Variants in TOX4 observed in about 807,000 individuals in gnomAD.
The protein encoded by TOX4 is TOX high mobility group box family member 4.
Under a neutral mutation model 61.0 loss-of-function variants are expected in TOX4, and 12 were observed. The ratio of observed to expected loss-of-function variants is 0.20; its 90% CI spans 0.13 to 0.32. The LOEUF (loss-of-function observed/expected upper bound fraction) is 0.32, where lower values mean the gene tolerates loss of function less well. TOX4 is among the 10% of genes least tolerant of loss of function. The probability of loss-of-function intolerance (pLI) is 1.00; values close to 1 mark genes in which losing one functional copy is unlikely to be tolerated. For missense variants in TOX4, 499 were observed against 753.3 expected (o/e 0.66, Z 3.95); for synonymous variants, 268 against 274.8 (o/e 0.98, Z 0.24).
chr14:21,488,953 C>G (rs1891238871), intron 4 of TOX4, 103 bp downstream of exon 4: 2 of 1,499,842 alleles, frequency 1.3e-6, no homozygotes, highest in East Asian at 4.6e-5. Context: ...CGTGCCATCT[C>G]CTCTGCTGTT....
At chr14:21,489,512 T>C in intron 5 of TOX4, 109 bp downstream of exon 5, 2 of 899,670 alleles carry the variant, frequency 2.2e-6, no homozygotes, top group Non-Finnish European at 3.4e-6. Flanking sequence ...CAGCTGTTTG[T>C]TAATGACACT....
At chr14:21,488,342 T>C in intron 3 of TOX4, 2 of 458,498 alleles carry the variant, frequency 4.4e-6, no homozygotes, top group Non-Finnish European at 3.9e-6. Context: ...CTCTTTGACT[T>C]GTCCAACAGT....
chr14:21,478,565 G>A (rs1318153825), intron 2 of TOX4, among the ~76,000 whole-genome samples: 1 of 152,200 alleles, frequency 6.6e-6, no homozygotes, highest in Non-Finnish European at 1.5e-5. Context: ...CACTTGTTTG[G>A]GAGAGGCAAA....
At chr14:21,479,489 A>G (rs551488526) in intron 2 of TOX4, among the ~76,000 whole-genome samples, 2 of 152,012 alleles carry the variant, frequency 1.3e-5, no homozygotes, top group South Asian at 4.2e-4. Flanking sequence ...CTCTACTAAA[A>G]ATACAAAAAT....
At position 21,480,381 on chromosome 14, in the gene TOX4, A is replaced by C. The variant is rs941728148; in HGVS notation, c.75+2817A>C. Among the ~76,000 whole-genome samples, 28 of 152,126 alleles carry C rather than the reference A, an allele frequency of 1.8e-4. 1 individual carries two copies. Among genetic ancestry groups the C allele is most frequent in the Admixed American group, 1.6e-3 (24 of 15,282 alleles). On this transcript the variant is annotated intron_variant, in intron 2 of 8. Transcript: ENST00000448790. ...TTTGCCTAAGGCTCCTGTCATTGTTAACAGTTCTCCATTTTCTCATTACAA... is the reference window on the plus strand; with the variant it reads ...TTTGCCTAAGGCTCCTGTCATTGTTCACAGTTCTCCATTTTCTCATTACAA...
intron 2 of TOX4, among the ~76,000 whole-genome samples, chr14:21,486,085 C>T (rs1305290179): frequency 1.9e-5 from 2 of 103,146 alleles, no homozygotes; most frequent in African/African-American, 7.4e-5. Flanking sequence ...ACCTGTAGTC[C>T]CAGCTACTCG....
chr14:21,495,199 T>C lies in TOX4; in HGVS notation c.1642-30T>C, dbSNP rs531990691. ...GCTAGCTAGGCAGGGAGCAATCTAA[T>C]CCACCTTGGTACTCTTCTTCTTCTC... On this transcript the variant is annotated intron_variant, in intron 7 of 8. Coordinates refer to ENST00000448790, the MANE Select transcript of TOX4 (RefSeq NM_014828.4). 11 of 1,609,632 alleles carry C rather than the reference T, an allele frequency of 6.8e-6. No individual in the cohort carries two copies. The South Asian group carries it at 1.1e-4, about 16-fold the overall frequency.
Position 21,497,268 on chromosome 14 carries a change from G to A in TOX4, c.*662G>A, listed in dbSNP as rs1318815283. ...AAAGTTGTATTCACTTGTGTTTGAT[G>A]AACTATCTTTAAAAGACCATAGGTC... is the stretch of plus-strand genomic sequence containing the variant. On this transcript the variant is annotated 3_prime_UTR_variant, in exon 9 of 9. Coordinates refer to ENST00000448790, the MANE Select transcript of TOX4 (RefSeq NM_014828.4). 1 of 152,134 alleles carries A rather than the reference G, an allele frequency of 6.6e-6. No homozygotes were observed. Among genetic ancestry groups the A allele is most frequent in the Non-Finnish European group, 1.5e-5 (1 of 68,056 alleles). The allele number at this position is 152,134 out of a possible 1,614,324, so 9.4% of individuals were successfully genotyped here.
At chr14:21,487,169 C>G (rs191140908) in intron 2 of TOX4, among the ~76,000 whole-genome samples, 1 of 152,200 alleles carries the variant, frequency 6.6e-6, no homozygotes, top group Non-Finnish European at 1.5e-5. Context: ...TTCATTAGAA[C>G]CATAGGCATA....
intron 2 of TOX4, among the ~76,000 whole-genome samples, chr14:21,487,190 A>G (rs1240175682): frequency 6.6e-6 from 1 of 152,230 alleles, no homozygotes; most frequent in Non-Finnish European, 1.5e-5. Flanking sequence ...ATTTAAGACA[A>G]AAGAGACGGT....
chr14:21,492,173 A>G, intron 5 of TOX4, 123 bp from the exon 6 acceptor site: 1 of 903,562 alleles, frequency 1.1e-6, no homozygotes, highest in Non-Finnish European at 1.7e-6. Context: ...GAATTCACTG[A>G]TAGAGGTTGT....
In TOX4 at chr14:21,498,013, C is replaced by T. The variant is rs1371016167; in HGVS notation, c.*1407C>T. 2 of 475,848 alleles carry T rather than the reference C, an allele frequency of 4.2e-6. No homozygotes were observed. Among genetic ancestry groups the T allele is most frequent in the Admixed American group, 3.6e-5 (1 of 27,928 alleles). 29.5% of individuals were successfully genotyped at this position (475,848 alleles called of 1,614,324 possible). ...TGATCATTTTAATGTTTCCCATGCA[C>T]TCATTTAGTTTGAACCTTCACAGCA... On this transcript the variant is annotated 3_prime_UTR_variant, in exon 9 of 9. Transcript: ENST00000448790.
Position 21,477,490 on chromosome 14 carries a change from T to A in TOX4, c.7-6T>A, listed in dbSNP as rs1891016041. On this transcript the variant is annotated splice_region_variant and splice_polypyrimidine_tract_variant and intron_variant, in intron 1 of 8. Transcript: ENST00000448790. ...CTTATCCCCGCGACTTTCTTTTGGT[T>A]TCCAGTTTCCCGGAGGAAATGACAA... 1.9e-6 allele frequency: 3 copies of A among 1,613,268 alleles called. No homozygotes were observed. The highest frequency in any genetic ancestry group is 2.5e-6 in the Non-Finnish European group (3 of 1,180,032).
At position 21,498,491 on chromosome 14, in the gene TOX4, A is replaced by G. The variant is rs1891466100; in HGVS notation, c.*1885A>G. The G allele has an allele frequency of 3.4e-6, 3 of 875,438 alleles. No individual in the cohort carries two copies. Among genetic ancestry groups the G allele is most frequent in the Non-Finnish European group, 5.3e-6 (3 of 561,868 alleles). 54.2% of individuals were successfully genotyped at this position (875,438 alleles called of 1,614,324 possible). On this transcript the variant is annotated 3_prime_UTR_variant, in exon 9 of 9. Coordinates refer to ENST00000448790, the MANE Select transcript of TOX4 (RefSeq NM_014828.4). ...CATATCAAATATGCCAATTCTAAAA[A>G]GAGCTTAACATTAGAATAGTATATG...
At chr14:21,493,958 T>C (rs1270646368) in intron 7 of TOX4, among the ~76,000 whole-genome samples, 1 of 151,750 alleles carries the variant, frequency 6.6e-6, no homozygotes, top group Non-Finnish European at 1.5e-5. Context: ...ACCATGTTCA[T>C]TGGGCTGGTC....
chr14:21,497,928 C>A lies in TOX4; in HGVS notation c.*1322C>A. ...GAACTCCTGGGCTACAGTTACCCTC[C>A]TACCTCGGCTTCCCAAAGTGCTCGG... On this transcript the variant is annotated 3_prime_UTR_variant, in exon 9 of 9. Coordinates refer to ENST00000448790, the MANE Select transcript of TOX4 (RefSeq NM_014828.4). The A allele has an allele frequency of 9.0e-6, 2 of 222,046 alleles. No homozygotes were observed. Among genetic ancestry groups the A allele is most frequent in the South Asian group, 7.1e-5 (1 of 14,056 alleles). The allele number at this position is 222,046 out of a possible 1,614,324, so 13.8% of individuals were successfully genotyped here. A position where few individuals can be genotyped will look rare whatever the true frequency, so the allele number is the denominator to read the frequency against.
At chr14:21,487,726 G>GC in intron 3 of TOX4, 33 bp downstream of exon 3, 1 of 1,587,048 alleles carries the variant, frequency 6.3e-7, no homozygotes, top group Non-Finnish European at 8.6e-7. Context: ...GCTTACCCCA[G>GC]CTAATGGGCA....
In TOX4 at chr14:21,498,739, C is replaced by G; in HGVS notation, c.*2133C>G. 1 of 466,018 alleles carries G rather than the reference C, an allele frequency of 2.1e-6. No individual in the cohort carries two copies. The highest frequency in any genetic ancestry group is 3.8e-6 in the Non-Finnish European group (1 of 261,298). The allele number at this position is 466,018 out of a possible 1,614,324, so 28.9% of individuals were successfully genotyped here. ...GATTAAATAGATAACTTCGTAACCACCAGGGGGCAGATTCAATACATCACA... is the reference window on the plus strand; with the variant it reads ...GATTAAATAGATAACTTCGTAACCAGCAGGGGGCAGATTCAATACATCACA... On this transcript the variant is annotated 3_prime_UTR_variant, in exon 9 of 9. Transcript: ENST00000448790.
Position 21,496,681 on chromosome 14 carries a change from C to A in TOX4, c.*75C>A. The A allele has an allele frequency of 1.5e-6, 2 of 1,356,580 alleles. No homozygotes were observed. The highest frequency in any genetic ancestry group is 1.4e-5 in the African/African-American group (1 of 69,640). 84.0% of individuals were successfully genotyped at this position (1,356,580 alleles called of 1,614,324 possible). On this transcript the variant is annotated 3_prime_UTR_variant, in exon 9 of 9. Transcript: ENST00000448790. ...CAAGAGCCTGTTTTTGAAACACAAG[C>A]TGGGCTTCTGGTAGTGCCTCATCAC...
Sources: allele counts gnomAD v4.1 joint callset (sites outside exome capture counted in the v4.1 genomes callset), GRCh38; gene constraint gnomAD v4.1.1; transcripts MANE v1.5; gene names NCBI Gene and HGNC (gene_info 2026-07-23, HGNC 2026-07-21).